The following CPLX2 variants were observed in gnomAD, a reference collection of about 807,000 sequenced individuals.
CPLX2 encodes the protein complexin-2.
CPLX2 carries 5 observed loss-of-function variants against 16.3 expected under a neutral mutation model. The ratio of observed to expected loss-of-function variants is 0.31; its 90% CI spans 0.16 to 0.64. The LOEUF (loss-of-function observed/expected upper bound fraction) is 0.64, where lower values mean the gene tolerates loss of function less well. Among genes scored for constraint, CPLX2 ranks in the 30% least tolerant of loss-of-function variants. CPLX2 has a pLI of 0.79. For missense variants in CPLX2, 144 were observed against 181.4 expected, an observed-to-expected ratio of 0.79 and a Z score of 1.18; for synonymous variants, 89 against 73.2, an observed-to-expected ratio of 1.22 and a Z score of -1.10.
chr5:175,800,465 A>G (rs1758071548), intron 1 of CPLX2, among the ~76,000 whole-genome samples: 1 of 145,880 alleles, frequency 6.9e-6, no homozygotes, highest in South Asian at 2.2e-4. Context: ...AGCCTGGGCA[A>G]CAAGGCAAGA....
At chr5:175,854,865 C>T (rs2113682640) in intron 2 of CPLX2, among the ~76,000 whole-genome samples, 1 of 152,286 alleles carries the variant, frequency 6.6e-6, no homozygotes, top group Non-Finnish European at 1.5e-5. Flanking sequence ...ATTCCACAAA[C>T]ATTTACCAGG....
intron 2 of CPLX2, among the ~76,000 whole-genome samples, chr5:175,827,902 C>T (rs1390125830): frequency 2.0e-5 from 3 of 152,158 alleles, no homozygotes; most frequent in South Asian, 2.1e-4. Context: ...CCCTGCCTAT[C>T]GAGGGTGATA....
intron 2 of CPLX2, among the ~76,000 whole-genome samples, chr5:175,844,815 A>C (rs1759011917): frequency 6.6e-6 from 1 of 152,218 alleles, no homozygotes; most frequent in African/African-American, 2.4e-5. Context: ...GGACCAGATG[A>C]TGTAGGACAT....
chr5:175,823,193 G>A lies in CPLX2; in HGVS notation c.-89+14125G>A, dbSNP rs539830209. Among the ~76,000 whole-genome samples, 6 of 152,262 alleles carry A rather than the reference G, an allele frequency of 3.9e-5. No homozygotes were observed. The South Asian group carries it at 6.2e-4, about 16-fold the overall frequency. On this transcript the variant is annotated intron_variant, in intron 2 of 4. Coordinates refer to the CPLX2 transcript ENST00000359546. ...TCTCCTTCACAGGACTTTAAGTATC[G>A]TCAGGACAAAGTCAGTGCCTGTCTT...
chr5:175,869,566 A>G (rs1429277674), upstream of CPLX2, among the ~76,000 whole-genome samples: 1 of 152,208 alleles, frequency 6.6e-6, no homozygotes, highest in Non-Finnish European at 1.5e-5. Context: ...TTATTCATCC[A>G]TTCAAGCACT....
rs143390421 is a variant in CPLX2 at position 175,824,634 on chromosome 5, A to G, written c.-89+15566A>G. Among the ~76,000 whole-genome samples the G allele has an allele frequency of 9.2e-5, 14 of 152,356 alleles. No homozygotes were observed. The East Asian group carries it at 2.3e-3, about 25-fold the overall frequency. On this transcript the variant is annotated intron_variant, in intron 2 of 4. Transcript: ENST00000359546. ...TGAAAGTCAAGAGGAGGGCAGGAGA[A>G]AGAGAAGCCATGAGAGCCAGCACCT...
At chr5:175,850,074 G>A (rs562135207) in intron 2 of CPLX2, among the ~76,000 whole-genome samples, 2 of 152,340 alleles carry the variant, frequency 1.3e-5, no homozygotes, top group South Asian at 2.1e-4. Flanking sequence ...GGCACATGAG[G>A]GCAATGGCGC....
chr5:175,842,474 A>G (rs1042350014), intron 2 of CPLX2, among the ~76,000 whole-genome samples: 3 of 152,234 alleles, frequency 2.0e-5, no homozygotes, highest in African/African-American at 7.2e-5. Flanking sequence ...TGATGATCCC[A>G]GCTCTCAGCT....
chr5:175,861,962 G>A (rs1360377393), intron 2 of CPLX2, among the ~76,000 whole-genome samples: 1 of 152,138 alleles, frequency 6.6e-6, no homozygotes, highest in Non-Finnish European at 1.5e-5. Flanking sequence ...GCCACTTCCT[G>A]AGGGCCTGTT....
At chr5:175,874,121 T>A (rs193289599) in intron 1 of CPLX2, among the ~76,000 whole-genome samples, 27 of 152,286 alleles carry the variant, frequency 1.8e-4, no homozygotes, top group African/African-American at 4.8e-4. Flanking sequence ...AGGGTGTGTA[T>A]GCATGAGAAA....
At chr5:175,864,636 G>A (rs1301820767) in intron 2 of CPLX2, among the ~76,000 whole-genome samples, 1 of 152,168 alleles carries the variant, frequency 6.6e-6, no homozygotes, top group Non-Finnish European at 1.5e-5. Context: ...AACGAAGTGG[G>A]GGAAGAGAAA....
At chr5:175,833,299 C>T (rs1758765475) in intron 2 of CPLX2, among the ~76,000 whole-genome samples, 1 of 152,118 alleles carries the variant, frequency 6.6e-6, no homozygotes, top group African/African-American at 2.4e-5. Context: ...AATTGCCACC[C>T]TGATTTTGCA....
chr5:175,802,638 G>A (rs888375184), intron 1 of CPLX2, among the ~76,000 whole-genome samples: 2 of 152,236 alleles, frequency 1.3e-5, no homozygotes, highest in African/African-American at 4.8e-5. Context: ...CTGCAGAGTA[G>A]GGCATGGGGC....
chr5:175,874,166 G>A (rs980731898), intron 1 of CPLX2, among the ~76,000 whole-genome samples: 22 of 152,204 alleles, frequency 1.4e-4, no homozygotes, highest in African/African-American at 4.3e-4. Flanking sequence ...GGATGGCCAC[G>A]TGGAGGCTGG....
intron 2 of CPLX2, among the ~76,000 whole-genome samples, chr5:175,832,637 C>T (rs930027160): frequency 6.6e-6 from 1 of 152,172 alleles, no homozygotes; most frequent in African/African-American, 2.4e-5. Flanking sequence ...AGAATCAAAC[C>T]TCCCCTTCCA....
chr5:175,877,799 T>C (rs1313001491), intron 1 of CPLX2, among the ~76,000 whole-genome samples: 4 of 152,186 alleles, frequency 2.6e-5, no homozygotes, highest in African/African-American at 9.7e-5. Flanking sequence ...GAGAATCCCA[T>C]TAAGATTTTA....
At position 175,872,947 on chromosome 5, in the gene CPLX2, C is replaced by A. The variant is rs1268920136; in HGVS notation, c.-89+1242C>A. 1 of 152,214 alleles carries A rather than the reference C, an allele frequency of 6.6e-6. No individual in the cohort carries two copies. Among genetic ancestry groups the A allele is most frequent in the African/African-American group, 2.4e-5 (1 of 41,436 alleles). 9.4% of individuals were successfully genotyped at this position (152,214 alleles called of 1,614,324 possible). A position where few individuals can be genotyped will look rare whatever the true frequency, so the allele number is the denominator to read the frequency against. ...GGTCGAGCCTGAGTCGGTGCTTGGG[C>A]TGGGACGGGCTCGGAGGGAGTCGGA... On this transcript the variant is annotated intron_variant, in intron 1 of 3. Coordinates refer to ENST00000393745, the MANE Select transcript of CPLX2 (RefSeq NM_001008220.2). This position sits in a 1 kb window ranked among gnomAD's most constrained non-coding sequence, Gnocchi z 5.0.
chr5:175,803,631 C>A (rs932779758), intron 1 of CPLX2, among the ~76,000 whole-genome samples: 3 of 152,182 alleles, frequency 2.0e-5, no homozygotes, highest in African/African-American at 7.2e-5. Context: ...AGCGGAAAGG[C>A]TGTAAGGCTT....
chr5:175,877,648 C>T (rs1184313526), intron 1 of CPLX2, among the ~76,000 whole-genome samples: 2 of 152,096 alleles, frequency 1.3e-5, no homozygotes, highest in African/African-American at 4.8e-5. Context: ...GGTTAAAATA[C>T]AAAGAAAATC....
Sources: allele counts gnomAD v4.1 joint callset (sites outside exome capture counted in the v4.1 genomes callset), GRCh38; gene constraint gnomAD v4.1.1; non-coding constraint Gnocchi (gnomAD v3.1); transcripts MANE v1.5; gene names NCBI Gene and HGNC (gene_info 2026-07-23, HGNC 2026-07-21).